The following ZNF804B variants were observed in gnomAD, a reference collection of about 807,000 sequenced individuals.
ZNF804B encodes zinc finger 804B.
Under a neutral mutation model 101.4 loss-of-function variants are expected in ZNF804B, and 80 were observed. That is an observed-to-expected ratio of 0.79 (90% confidence interval 0.66 to 0.95). The LOEUF (loss-of-function observed/expected upper bound fraction) is 0.95. ZNF804B is among the 40% of genes least tolerant of loss of function. The pLI, the probability that ZNF804B is intolerant of heterozygous loss-of-function variation, is 0.00. For missense variants in ZNF804B, 1,673 were observed against 1,561.9 expected (o/e 1.07, Z -1.20); for synonymous variants, 622 against 558.8 (o/e 1.11, Z -1.59).
chr7:89,021,040 A>G (rs1015473556), intron 1 of ZNF804B, among the ~76,000 whole-genome samples: 4 of 151,962 alleles, frequency 2.6e-5, no homozygotes, highest in Non-Finnish European at 1.5e-5. Flanking sequence ...TTAATATCTG[A>G]GGCATCCCTA....
chr7:89,284,539 A>G (rs1790152398), intron 2 of ZNF804B, among the ~76,000 whole-genome samples: 1 of 152,210 alleles, frequency 6.6e-6, no homozygotes, highest in African/African-American at 2.4e-5. Context: ...CTGTAAAAAA[A>G]GAAAGAAAGA....
intron 1 of ZNF804B, among the ~76,000 whole-genome samples, chr7:88,972,663 T>G (rs965923511): frequency 6.6e-6 from 1 of 151,340 alleles, no homozygotes; most frequent in East Asian, 2.0e-4. Flanking sequence ...CAGATTGAAA[T>G]TTTTATCATC....
At chr7:89,041,784 A>C (rs537245946) in intron 1 of ZNF804B, among the ~76,000 whole-genome samples, 1 of 152,220 alleles carries the variant, frequency 6.6e-6, no homozygotes, top group East Asian at 1.9e-4. Context: ...GCTACTTTTT[A>C]CAATGTGTCT....
At chr7:89,028,904 ATTG>A (rs1314255153) in intron 1 of ZNF804B, among the ~76,000 whole-genome samples, 4 of 152,078 alleles carry the variant, frequency 2.6e-5, no homozygotes, top group African/African-American at 4.8e-5. Flanking sequence ...TTATCAAGCA[ATTG>A]TTATTATTAT....
intron 1 of ZNF804B, among the ~76,000 whole-genome samples, chr7:88,935,491 A>G (rs547960599): frequency 6.6e-6 from 1 of 151,638 alleles, no homozygotes. Context: ...TGAGACCAGC[A>G]TGGGCAACAT....
intron 1 of ZNF804B, among the ~76,000 whole-genome samples, chr7:88,933,108 G>T (rs1667200815): frequency 6.6e-6 from 1 of 151,392 alleles, no homozygotes; most frequent in African/African-American, 2.4e-5. Flanking sequence ...TGATCAAGTG[G>T]GTTTTATACC....
chr7:89,018,922 C>G (rs751316347), intron 1 of ZNF804B, among the ~76,000 whole-genome samples: 1 of 151,810 alleles, frequency 6.6e-6, no homozygotes, highest in African/African-American at 2.4e-5. Context: ...ATTTGTTTAT[C>G]TTTCAAAAAA....
At chr7:89,235,787 A>G (rs1294689769) in intron 2 of ZNF804B, among the ~76,000 whole-genome samples, 1 of 152,126 alleles carries the variant, frequency 6.6e-6, no homozygotes, top group Non-Finnish European at 1.5e-5. Flanking sequence ...GAATGTAACA[A>G]TTGACTAAAC....
chr7:88,990,440 T>G (rs966386429), intron 1 of ZNF804B, among the ~76,000 whole-genome samples: 3 of 152,242 alleles, frequency 2.0e-5, no homozygotes, highest in South Asian at 2.1e-4. Context: ...AAACTCTTTT[T>G]GCAGATTATC....
chr7:89,034,829 G>A (rs1172245630), intron 1 of ZNF804B, among the ~76,000 whole-genome samples: 1 of 152,134 alleles, frequency 6.6e-6, no homozygotes, highest in Non-Finnish European at 1.5e-5. Context: ...TTGCCAGACT[G>A]TCTTCCACAA....
chr7:89,087,058 A>C (rs1322932419), intron 1 of ZNF804B, among the ~76,000 whole-genome samples: 1 of 14,358 alleles, frequency 7.0e-5, no homozygotes, highest in African/African-American at 3.2e-4. Flanking sequence ...TTTAAATTCA[A>C]AAAAAAAAAA....
intron 1 of ZNF804B, among the ~76,000 whole-genome samples, chr7:88,914,000 A>G (rs1426314604): frequency 9.2e-5 from 14 of 152,208 alleles, no homozygotes; most frequent in Non-Finnish European, 1.9e-4. Context: ...AAACTGAACC[A>G]AAAGCATTGA....
intron 1 of ZNF804B, among the ~76,000 whole-genome samples, chr7:89,123,243 A>G (rs752701623): frequency 6.6e-6 from 1 of 151,978 alleles, no homozygotes; most frequent in African/African-American, 2.4e-5. Context: ...ATTATTTTGA[A>G]TAACCTAGTT....
At chr7:88,904,015 A>C (rs1254413023) in intron 1 of ZNF804B, among the ~76,000 whole-genome samples, 1 of 152,130 alleles carries the variant, frequency 6.6e-6, no homozygotes, top group Admixed American at 6.6e-5. Context: ...CTTAGCCAAA[A>C]ATTCTTTGCC....
At chr7:89,231,353 C>G (rs912559221) in intron 2 of ZNF804B, among the ~76,000 whole-genome samples, 1 of 151,998 alleles carries the variant, frequency 6.6e-6, no homozygotes. Flanking sequence ...TTTGCTGTAA[C>G]TTTATAGCAA....
intron 3 of ZNF804B, among the ~76,000 whole-genome samples, chr7:89,331,033 C>T (rs1311141188): frequency 6.6e-6 from 1 of 150,846 alleles, no homozygotes; most frequent in Admixed American, 6.6e-5. Flanking sequence ...ATAATAAATA[C>T]TAAAATAACT....
intron 1 of ZNF804B, among the ~76,000 whole-genome samples, chr7:88,783,606 T>C (rs916685738): frequency 2.0e-5 from 3 of 152,180 alleles, no homozygotes; most frequent in African/African-American, 4.8e-5. Context: ...TATACTACTG[T>C]CTTCACTTTT....
At chr7:89,165,563 A>G in intron 1 of ZNF804B, among the ~76,000 whole-genome samples, 1 of 152,084 alleles carries the variant, frequency 6.6e-6, no homozygotes, top group African/African-American at 2.4e-5. Context: ...TAGGAGTTTT[A>G]GCATGTAACT....
chr7:89,278,181 A>G (rs1790020873), intron 2 of ZNF804B, among the ~76,000 whole-genome samples: 2 of 151,816 alleles, frequency 1.3e-5, no homozygotes, highest in African/African-American at 2.4e-5. Flanking sequence ...TCCTTTGCCC[A>G]CTTTTTGATG....
Sources: gnomAD v4.1 joint callset for allele counts (sites outside exome capture counted in the v4.1 genomes callset) on GRCh38, gnomAD v4.1.1 for gene constraint, MANE v1.5 for transcripts, NCBI Gene and HGNC (gene_info 2026-07-23, HGNC 2026-07-21) for gene names.